CDH2: variants seen among roughly 807,000 people sequenced by gnomAD.
CDH2 encodes the protein cadherin 2, also known as cadherin-2.
Under a neutral mutation model 92.0 loss-of-function variants are expected in CDH2, and 17 were observed. That is an observed-to-expected ratio of 0.18 (90% CI 0.13 to 0.28). The LOEUF (loss-of-function observed/expected upper bound fraction) is 0.28. Ranked by LOEUF, CDH2 falls within the 10% of genes least tolerant of loss-of-function variation. CDH2 has a pLI of 1.00. For synonymous variants in CDH2, 419 were observed against 415.9 expected, an observed-to-expected ratio of 1.01 and a Z score of -0.09; for missense variants, 862 against 1,133.1, an observed-to-expected ratio of 0.76 and a Z score of 3.44.
At chr18:28,052,121 G>A (rs1033068078) in intron 2 of CDH2, among the ~76,000 whole-genome samples, 6 of 152,128 alleles carry the variant, frequency 3.9e-5, no homozygotes, top group Admixed American at 6.5e-5. Context: ...GTTAAAGCAA[G>A]CTTGTATATT....
chr18:27,937,317 A>C (rs774668508), intron 6 of CDH2, among the ~76,000 whole-genome samples: 8 of 152,298 alleles, frequency 5.3e-5, no homozygotes, highest in Non-Finnish European at 1.0e-4. Flanking sequence ...ATTAGACATG[A>C]CTAAGTTTTT....
chr18:27,955,390 A>AAAAAAAAAAAAAG (rs1567934877), intron 15 of CDH2, among the ~76,000 whole-genome samples: 1 of 23,766 alleles, frequency 4.2e-5, no homozygotes, highest in Non-Finnish European at 1.9e-4. Context: ...AAAAAAGAAA[A>AAAAAAAAAAAAAG]AGAAAGAAAA....
At chr18:28,033,076 C>CT (rs2013738372) in intron 2 of CDH2, among the ~76,000 whole-genome samples, 1 of 152,018 alleles carries the variant, frequency 6.6e-6, no homozygotes, top group Non-Finnish European at 1.5e-5. Context: ...GGCTTGTGAT[C>CT]TGAGCACCAA....
chr18:27,955,331 C>T (rs921382955), intron 15 of CDH2, among the ~76,000 whole-genome samples: 4 of 135,900 alleles, frequency 2.9e-5, no homozygotes, highest in Non-Finnish European at 6.1e-5. Flanking sequence ...TAAACCTGCA[C>T]ATTCCGCACA....
chr18:28,005,999 A>G lies in CDH2; in HGVS notation c.703-6T>C, dbSNP rs911201867. On this transcript the variant is annotated splice_region_variant and splice_polypyrimidine_tract_variant and intron_variant, in intron 5 of 15. Coordinates refer to ENST00000269141, the MANE Select transcript of CDH2 (RefSeq NM_001792.5). ...TCTACTGCATGTGCCCTCAACTGCA[A>G]AAGTAATTAGAAAACAACTATTTAA... 6.2e-7 allele frequency: 1 copy of G among 1,604,594 alleles called. No homozygotes were observed. The highest frequency in any genetic ancestry group is 8.5e-7 in the Non-Finnish European group (1 of 1,172,460).
intron 2 of CDH2, among the ~76,000 whole-genome samples, chr18:28,114,889 G>A (rs1384614516): frequency 2.0e-5 from 3 of 150,482 alleles, no homozygotes; most frequent in Non-Finnish European, 3.0e-5. Context: ...CCTACAGAAT[G>A]CAAAAAAAAA....
chr18:27,990,522 A>G (rs906525178), intron 9 of CDH2, among the ~76,000 whole-genome samples, 172 bp from the exon 10 acceptor site: 2 of 152,228 alleles, frequency 1.3e-5, no homozygotes, highest in African/African-American at 4.8e-5. Context: ...TTATCAAAAT[A>G]TTTATCCCAA....
intron 2 of CDH2, among the ~76,000 whole-genome samples, chr18:28,032,750 GA>G (rs1267365878): frequency 6.6e-6 from 1 of 152,034 alleles, no homozygotes; most frequent in Non-Finnish European, 1.5e-5. Flanking sequence ...TGGTCACATT[GA>G]AAGTGGTGGG....
At chr18:28,125,192 A>C (rs944105120) in intron 2 of CDH2, among the ~76,000 whole-genome samples, 1 of 152,184 alleles carries the variant, frequency 6.6e-6, no homozygotes, top group Admixed American at 6.5e-5. Context: ...AATACATTCC[A>C]ATGAAACTCA....
chr18:27,955,390 A>G (rs112544478), intron 15 of CDH2, among the ~76,000 whole-genome samples: 664 of 23,770 alleles, frequency 0.028, 8 homozygotes, highest in East Asian at 0.12. Context: ...AAAAAAGAAA[A>G]AGAAAGAAAA....
At chr18:28,111,186 AGAG>A (rs2015406576) in intron 2 of CDH2, among the ~76,000 whole-genome samples, 2 of 152,220 alleles carry the variant, frequency 1.3e-5, no homozygotes, top group South Asian at 4.1e-4. Flanking sequence ...AGAAAACAAC[AGAG>A]GAGGACTTCT....
At chr18:28,158,611 A>G (rs548064229) in intron 1 of CDH2, among the ~76,000 whole-genome samples, 52 of 152,174 alleles carry the variant, frequency 3.4e-4, no homozygotes, top group Non-Finnish European at 5.7e-4. Context: ...GGCAATTCTT[A>G]AAGTATGGTC....
At chr18:28,166,958 A>C (rs989561899) in intron 1 of CDH2, among the ~76,000 whole-genome samples, 11 of 152,186 alleles carry the variant, frequency 7.2e-5, no homozygotes, top group Admixed American at 3.3e-4. Flanking sequence ...ATACAAATAT[A>C]AAAAAAGGTA....
chr18:28,007,156 T>TAAAAAA lies in CDH2; in HGVS notation c.703-1169_703-1164dup, dbSNP rs753614802. ...GCCTGGGCAACAGAGTGAGACTCCATAAAAAAAAAATATATATATATATAT... is the reference window on the plus strand; with the variant it reads ...GCCTGGGCAACAGAGTGAGACTCCATAAAAAAAAAAAAAAAATATATATATATATAT... On this transcript the variant is annotated intron_variant, in intron 5 of 15. Coordinates refer to ENST00000269141, the MANE Select transcript of CDH2 (RefSeq NM_001792.5). Among the ~76,000 whole-genome samples, 145 of 106,614 alleles carry TAAAAAA rather than the reference T, an allele frequency of 1.4e-3. 1 individual carries two copies. The Middle Eastern group carries it at 0.015, about 11-fold the overall frequency. The allele number at this position is 106,614 out of a possible 152,430, so 69.9% of individuals were successfully genotyped here. A position where few individuals can be genotyped will look rare whatever the true frequency, so the allele number is the denominator to read the frequency against.
In CDH2 at chr18:28,147,859, C is replaced by T; in HGVS notation, c.61-75G>A. 3 of 801,506 alleles carry T rather than the reference C, an allele frequency of 3.7e-6. No homozygotes were observed. In the Admixed American group the frequency reaches 7.3e-5, roughly 19 times the overall value. 49.6% of individuals were successfully genotyped at this position (801,506 alleles called of 1,614,324 possible). ...TTCAACTGAGAAACATTCCACTTGG[C>T]ATAAAGCCTCATTTTTTCAACTATC... is the stretch of plus-strand genomic sequence containing the variant. On this transcript the variant is annotated intron_variant, in intron 1 of 15. Transcript: ENST00000269141.
intron 1 of CDH2, among the ~76,000 whole-genome samples, chr18:28,158,523 C>A (rs771143674): frequency 3.3e-5 from 5 of 152,198 alleles, no homozygotes; most frequent in Non-Finnish European, 7.4e-5. Context: ...CTTCCTGATG[C>A]TTCATTCCAT....
chr18:28,151,445 A>G (rs2016119944), intron 1 of CDH2, among the ~76,000 whole-genome samples: 1 of 152,228 alleles, frequency 6.6e-6, no homozygotes, highest in Non-Finnish European at 1.5e-5. Context: ...AGCATCCCTA[A>G]CAAAGGAGTG....
At chr18:27,980,260 T>A (rs895677439) in intron 14 of CDH2, among the ~76,000 whole-genome samples, 7 of 152,110 alleles carry the variant, frequency 4.6e-5, no homozygotes, top group African/African-American at 1.7e-4. Flanking sequence ...CTCATGGGCC[T>A]TTACCTAGTG....
At chr18:28,078,529 G>A (rs1158176993) in intron 2 of CDH2, among the ~76,000 whole-genome samples, 1 of 151,984 alleles carries the variant, frequency 6.6e-6, no homozygotes, top group Non-Finnish European at 1.5e-5. Context: ...CTGACTTCAG[G>A]ACAAAGTACC....
Sources: allele counts gnomAD v4.1 joint callset (sites outside exome capture counted in the v4.1 genomes callset), GRCh38; gene constraint gnomAD v4.1.1; transcripts MANE v1.5; gene names NCBI Gene and HGNC (gene_info 2026-07-23, HGNC 2026-07-21).